FAM20A: variants seen among roughly 807,000 people sequenced by gnomAD.
The protein encoded by FAM20A is FAM20A golgi associated secretory pathway pseudokinase.
In FAM20A, 42 loss-of-function variants were observed where a neutral mutation model predicts 52.0. The ratio of observed to expected loss-of-function variants is 0.81; its 90% confidence interval spans 0.63 to 1.04. FAM20A has a LOEUF of 1.04. Ranked by LOEUF, FAM20A falls within the 50% of genes least tolerant of loss-of-function variation. The pLI, the probability that FAM20A is intolerant of heterozygous loss-of-function variation, is 0.00. For missense variants in FAM20A, 742 were observed against 712.7 expected, an observed-to-expected ratio of 1.04 and a Z score of -0.47; for synonymous variants, 304 against 298.9, an observed-to-expected ratio of 1.02 and a Z score of -0.18.
intron 1 of FAM20A, among the ~76,000 whole-genome samples, chr17:68,589,475 C>T (rs2088243983): frequency 6.6e-6 from 1 of 152,132 alleles, no homozygotes; most frequent in Non-Finnish European, 1.5e-5. Context: ...CTCTCTTAGG[C>T]TCAAGTGGTA....
chr17:68,548,725 ATTTTTTTT>A (rs753348891), intron 4 of FAM20A, among the ~76,000 whole-genome samples: 2 of 79,158 alleles, frequency 2.5e-5, no homozygotes, highest in African/African-American at 1.1e-4. Context: ...ATGCCTGTAT[ATTTTTTTT>A]TTTTTTTTTT....
chr17:68,554,061 TAC>T (rs377564627), intron 3 of FAM20A, among the ~76,000 whole-genome samples: 8,883 of 112,354 alleles, frequency 0.079, 999 homozygotes, highest in African/African-American at 0.26. Flanking sequence ...TATACACATA[TAC>T]ACACATATAC....
At chr17:68,591,234 G>A (rs535691772) in intron 1 of FAM20A, among the ~76,000 whole-genome samples, 1 of 152,252 alleles carries the variant, frequency 6.6e-6, no homozygotes, top group South Asian at 2.1e-4. Flanking sequence ...AGCCTCCCGA[G>A]TAGCTGGGCG....
chr17:68,591,373 A>G (rs2088303800), intron 1 of FAM20A, among the ~76,000 whole-genome samples: 1 of 152,188 alleles, frequency 6.6e-6, no homozygotes, highest in Non-Finnish European at 1.5e-5. Context: ...TGTTGGGATT[A>G]CAGGCGTGAG....
Position 68,600,175 on chromosome 17 carries a change from G to T in FAM20A, c.404+88C>A. ...GTGGGTGGAGCCGCTGCAGCCCTGGGCCGGGGGCGTCAGGAAACTCGAGAC... is the reference window on the plus strand; with the variant it reads ...GTGGGTGGAGCCGCTGCAGCCCTGGTCCGGGGGCGTCAGGAAACTCGAGAC... On this transcript the variant is annotated intron_variant, in intron 1 of 10. Coordinates refer to ENST00000592554, the MANE Select transcript of FAM20A (RefSeq NM_017565.4). This position sits in a 1 kb window ranked among gnomAD's most constrained non-coding sequence, Gnocchi z 6.2. 1 of 1,456,350 alleles carries T rather than the reference G, an allele frequency of 6.9e-7. No homozygotes were observed. Among genetic ancestry groups the T allele is most frequent in the Non-Finnish European group, 9.2e-7 (1 of 1,085,238 alleles). The allele number at this position is 1,456,350 out of a possible 1,614,324, so 90.2% of individuals were successfully genotyped here. A position where few individuals can be genotyped will look rare whatever the true frequency, so the allele number is the denominator to read the frequency against.
At chr17:68,552,140 G>T (rs1015798585) in intron 3 of FAM20A, among the ~76,000 whole-genome samples, 189 bp from the exon 4 acceptor site, 5 of 152,106 alleles carry the variant, frequency 3.3e-5, no homozygotes, top group African/African-American at 1.2e-4. Context: ...GGTGTCCAGG[G>T]GCTCAAGACA....
intron 1 of FAM20A, among the ~76,000 whole-genome samples, chr17:68,569,224 T>G (rs1481556532): frequency 1.3e-5 from 2 of 152,140 alleles, no homozygotes; most frequent in East Asian, 3.9e-4. Flanking sequence ...TCCTTGAAAT[T>G]TCTCTCTCCC....
intron 1 of FAM20A, among the ~76,000 whole-genome samples, chr17:68,583,022 G>C (rs1428211324): frequency 6.6e-6 from 1 of 151,298 alleles, no homozygotes; most frequent in Non-Finnish European, 1.5e-5. Flanking sequence ...TGGCCAGGCT[G>C]GTCTTGAACT....
chr17:68,571,479 A>G (rs1367418364), intron 1 of FAM20A, among the ~76,000 whole-genome samples: 1 of 152,214 alleles, frequency 6.6e-6, no homozygotes, highest in African/African-American at 2.4e-5. Flanking sequence ...AATTCTATCC[A>G]TGGAGTTCAT....
Position 68,535,914 on chromosome 17 carries a change from T to C in FAM20A, c.*1563A>G. The C allele has an allele frequency of 2.2e-6, 1 of 454,092 alleles. No homozygotes were observed. Among genetic ancestry groups the C allele is most frequent in the Non-Finnish European group, 4.4e-6 (1 of 226,792 alleles). 28.1% of individuals were successfully genotyped at this position (454,092 alleles called of 1,614,324 possible). A position where few individuals can be genotyped will look rare whatever the true frequency, so the allele number is the denominator to read the frequency against. ...TTTGGAATAGGTCTAAACCACTAAA[T>C]TGTGTGATTTTGCTTACTCTCTCTG... On this transcript the variant is annotated 3_prime_UTR_variant, in exon 11 of 11. Coordinates refer to ENST00000592554, the MANE Select transcript of FAM20A (RefSeq NM_017565.4).
In FAM20A at chr17:68,600,120, C is replaced by A; in HGVS notation, c.404+143G>T. ...GCTGGTGGGGTTCGGGTGGGGAACA[C>A]ACTCTAAGCCCAGCGCCAGGGCTGG... On this transcript the variant is annotated intron_variant, in intron 1 of 10. Transcript: ENST00000592554. This position sits in a 1 kb window ranked among gnomAD's most constrained non-coding sequence, Gnocchi z 6.2. 1 of 964,758 alleles carries A rather than the reference C, an allele frequency of 1.0e-6. No individual in the cohort carries two copies. The highest frequency in any genetic ancestry group is 1.5e-6 in the Non-Finnish European group (1 of 668,360). The allele number at this position is 964,758 out of a possible 1,614,324, so 59.8% of individuals were successfully genotyped here. A position where few individuals can be genotyped will look rare whatever the true frequency, so the allele number is the denominator to read the frequency against.
At position 68,540,828 on chromosome 17, in the gene FAM20A, G is replaced by A. The variant is rs760304014; in HGVS notation, c.1219+21C>T. 5 of 1,578,954 alleles carry A rather than the reference G, an allele frequency of 3.2e-6. No individual in the cohort carries two copies. The East Asian group carries it at 6.9e-5, about 22-fold the overall frequency. On this transcript the variant is annotated intron_variant, in intron 8 of 10. Transcript: ENST00000592554. ...CATAGCAGAGCCCACTTCTGCTGGG[G>A]GCCTGCGTGTGGGGACCTACCTATC...
Position 68,541,893 on chromosome 17 carries a change from C to T in FAM20A, c.1109+92G>A, listed in dbSNP as rs543454867. 8 of 1,460,756 alleles carry T rather than the reference C, an allele frequency of 5.5e-6. No individual in the cohort carries two copies. The East Asian group carries it at 1.1e-4, about 21-fold the overall frequency. 90.5% of individuals were successfully genotyped at this position (1,460,756 alleles called of 1,614,324 possible). On this transcript the variant is annotated intron_variant, in intron 7 of 10. Coordinates refer to ENST00000592554, the MANE Select transcript of FAM20A (RefSeq NM_017565.4). ...GCAAAGGAGTATTGAGGCAGCTTTTCAGATTCAAAAGCCAAGCTAGCAACA... is the reference window on the plus strand; with the variant it reads ...GCAAAGGAGTATTGAGGCAGCTTTTTAGATTCAAAAGCCAAGCTAGCAACA...
Position 68,575,468 on chromosome 17 carries a change from A to T in FAM20A, c.405-19725T>A, listed in dbSNP as rs9674548. Among the ~76,000 whole-genome samples the T allele has an allele frequency of 4.8e-4, 47 of 97,864 alleles. 1 individual carries two copies. Among genetic ancestry groups the T allele is most frequent in the South Asian group, 2.2e-3 (7 of 3,158 alleles). 64.2% of individuals were successfully genotyped at this position (97,864 alleles called of 152,430 possible). ...ATTATATATTTTATATATTATATAT[A>T]ATATATTTTATATATTATATATTAT... On this transcript the variant is annotated intron_variant, in intron 1 of 10. Coordinates refer to ENST00000592554, the MANE Select transcript of FAM20A (RefSeq NM_017565.4).
intron 7 of FAM20A, 81 bp downstream of exon 7, chr17:68,541,904 G>C (rs2086314041): frequency 6.6e-7 from 1 of 1,504,256 alleles, no homozygotes; most frequent in Non-Finnish European, 9.0e-7. Context: ...AGATTCAAAA[G>C]CCAAGCTAGC....
chr17:68,554,218 C>T (rs2086989797), intron 3 of FAM20A, among the ~76,000 whole-genome samples: 1 of 152,012 alleles, frequency 6.6e-6, no homozygotes, highest in African/African-American at 2.4e-5. Context: ...GCAAACTCCA[C>T]CTCCCAGGTT....
At position 68,535,370 on chromosome 17, in the gene FAM20A, T is replaced by G. The variant is rs906035052; in HGVS notation, c.*2107A>C. 5 of 454,006 alleles carry G rather than the reference T, an allele frequency of 1.1e-5. No homozygotes were observed. Among genetic ancestry groups the G allele is most frequent in the Non-Finnish European group, 2.2e-5 (5 of 226,800 alleles). The allele number at this position is 454,006 out of a possible 1,614,324, so 28.1% of individuals were successfully genotyped here. A position where few individuals can be genotyped will look rare whatever the true frequency, so the allele number is the denominator to read the frequency against. ...GCAGCAAAATGTGTATATAGGCCAT[T>G]GGAAAACCAGTCCTTCGTTATAGGA... On this transcript the variant is annotated 3_prime_UTR_variant, in exon 11 of 11. Transcript: ENST00000592554.
chr17:68,555,634 C>T lies in FAM20A; in HGVS notation c.514G>A (p.Gly172Arg), dbSNP rs772490425. ...ACAGGGCTGGACCGGGAGTAGAGCC[C>T]ATGGCGGTTAATACCCAGGTGGAAC... is the stretch of plus-strand genomic sequence containing the variant. ...VQFHLGINRHGLYSRSSPVVS... is the reference protein window; with the variant it reads ...VQFHLGINRHRLYSRSSPVVS... The change falls in exon 2 of 11, where the codon GGG (glycine) becomes AGG (arginine). Residue 172 changes from glycine to arginine, a missense_variant. Gly to Arg is a moderately radical substitution (Grantham distance 125). Transcript: ENST00000592554. 3.1e-6 allele frequency: 5 copies of T among 1,613,634 alleles called. No homozygotes were observed. Among genetic ancestry groups the T allele is most frequent in the African/African-American group, 2.7e-5 (2 of 74,902 alleles).
chr17:68,535,357 G>A lies in FAM20A; in HGVS notation c.*2120C>T, dbSNP rs752711990. The A allele has an allele frequency of 3.7e-5, 17 of 454,008 alleles. No individual in the cohort carries two copies. Among genetic ancestry groups the A allele is most frequent in the African/African-American group, 8.0e-5 (4 of 50,014 alleles). The allele number at this position is 454,008 out of a possible 1,614,324, so 28.1% of individuals were successfully genotyped here. On this transcript the variant is annotated 3_prime_UTR_variant, in exon 11 of 11. Transcript: ENST00000592554. ...CTGTTTGTAGAGTGCAGCAAAATGTGTATATAGGCCATTGGAAAACCAGTC... is the reference window on the plus strand; with the variant it reads ...CTGTTTGTAGAGTGCAGCAAAATGTATATATAGGCCATTGGAAAACCAGTC...
Sources: gnomAD v4.1 joint callset for allele counts (sites outside exome capture counted in the v4.1 genomes callset) on GRCh38, gnomAD v4.1.1 for gene constraint, Gnocchi (gnomAD v3.1) non-coding constraint, MANE v1.5 for transcripts, NCBI Gene and HGNC (gene_info 2026-07-23, HGNC 2026-07-21) for gene names.